The following ESRP1 variants were observed in gnomAD, a reference collection of about 807,000 sequenced individuals.
ESRP1 encodes epithelial splicing regulatory protein 1, also known as RNA-binding motif protein 35A.
Under a neutral mutation model 81.7 loss-of-function variants are expected in ESRP1, and 33 were observed. The ratio of observed to expected loss-of-function variants is 0.40; its 90% confidence interval spans 0.31 to 0.54. The LOEUF is 0.54. ESRP1 is among the 20% of genes least tolerant of loss of function. The pLI, the probability that ESRP1 is intolerant of heterozygous loss-of-function variation, is 0.41. For synonymous variants in ESRP1, 320 were observed against 303.3 expected, an observed-to-expected ratio of 1.06 and a Z score of -0.57; for missense variants, 672 against 833.1, an observed-to-expected ratio of 0.81 and a Z score of 2.38.
At chr8:94,667,660 A>G (rs999453691) in intron 9 of ESRP1, among the ~76,000 whole-genome samples, 5 of 152,218 alleles carry the variant, frequency 3.3e-5, no homozygotes, top group Admixed American at 2.0e-4. Flanking sequence ...GGACCCAGGC[A>G]TTCTGGCTCC....
intron 13 of ESRP1, among the ~76,000 whole-genome samples, chr8:94,685,589 G>T (rs950977563): frequency 6.6e-6 from 1 of 152,070 alleles, no homozygotes; most frequent in East Asian, 1.9e-4. Flanking sequence ...ATCACCTGAG[G>T]TTAGGAGTTC....
intron 13 of ESRP1, among the ~76,000 whole-genome samples, chr8:94,691,096 T>C (rs542604373): frequency 6.6e-6 from 1 of 152,224 alleles, no homozygotes; most frequent in African/African-American, 2.4e-5. Context: ...ACCAAAAGTT[T>C]AGCATTTCTT....
chr8:94,696,956 A>G lies in ESRP1; in HGVS notation c.*30A>G. 1.3e-6 allele frequency: 2 copies of G among 1,556,700 alleles called. No homozygotes were observed. Among genetic ancestry groups the G allele is most frequent in the Non-Finnish European group, 1.7e-6 (2 of 1,149,404 alleles). On this transcript the variant is annotated 3_prime_UTR_variant, in exon 15 of 16. Coordinates refer to ENST00000433389, the MANE Select transcript of ESRP1 (RefSeq NM_017697.4). ...CCCAGCAGTTAGAACATCCTCAGAA[A>G]AGAAGGTAAGGCTTTATGATGTGCA... is the stretch of plus-strand genomic sequence containing the variant.
chr8:94,654,399 CTTG>C (rs1165246085), intron 4 of ESRP1, among the ~76,000 whole-genome samples: 1 of 152,158 alleles, frequency 6.6e-6, no homozygotes, highest in Non-Finnish European at 1.5e-5. Flanking sequence ...CTTCGGAAGA[CTTG>C]TTACCAAGGA....
chr8:94,690,120 A>ATT (rs60791538), intron 13 of ESRP1, among the ~76,000 whole-genome samples: 8 of 147,336 alleles, frequency 5.4e-5, no homozygotes, highest in East Asian at 2.0e-4. Context: ...GCCCGGCCTA[A>ATT]TTTTTTTTGT....
In ESRP1 at chr8:94,668,074, A is replaced by G; in HGVS notation, c.1057A>G (p.Thr353Ala). The G allele has an allele frequency of 6.2e-7, 1 of 1,613,936 alleles. No individual in the cohort carries two copies. Among genetic ancestry groups the G allele is most frequent in the Non-Finnish European group, 8.5e-7 (1 of 1,179,864 alleles). Residue 353 changes from threonine to alanine, a missense_variant, in exon 10 of 16, where the codon ACT becomes GCT. Thr to Ala is a moderately conservative substitution (Grantham distance 58). Transcript: ENST00000433389. ...CTTCTTTGGACAGCATTGCCCTATT[A>G]CTGGGGGAAAGGAAGGCATCCTCTT... ...VAFFGQHCPI[T>A]GGKEGILFVT...
At position 94,646,264 on chromosome 8, in the gene ESRP1, G is replaced by A. The variant is rs765093984; in HGVS notation, c.472G>A (p.Val158Ile). The A allele has an allele frequency of 2.6e-5, 41 of 1,607,136 alleles. No homozygotes were observed. Among genetic ancestry groups the A allele is most frequent in the Middle Eastern group, 1.7e-4 (1 of 6,044 alleles). The change falls in exon 4 of 16, where the codon GTT becomes ATT. Residue 158 changes from valine (V) to isoleucine (I), a missense_variant. Val to Ile is a conservative substitution (Grantham distance 29). Transcript: ENST00000433389. ...PGSPDIDKLD[V>I]ATMTEYLNFE... ...TTCACCTGATATTGACAAACTGGAC[G>A]TTGCCACAATGACAGAGTGTATCCT... is the stretch of plus-strand genomic sequence containing the variant.
Position 94,692,697 on chromosome 8 carries a change from G to A in ESRP1, c.1841G>A (p.Ser614Asn), listed in dbSNP as rs1340388990. 3 of 1,613,850 alleles carry A rather than the reference G, an allele frequency of 1.9e-6. No homozygotes were observed. The highest frequency in any genetic ancestry group is 2.5e-6 in the Non-Finnish European group (3 of 1,179,848). ...TTTAGCCCCCCAGGTTCGCCTAATA[G>A]TCTTGGCTACTTCCCTACAGCTGCT... ...YYPSPPGSPNSLGYFPTAANL... is the reference protein window; with the variant it reads ...YYPSPPGSPNNLGYFPTAANL... The change falls in exon 14 of 16, where the codon AGT becomes AAT. Residue 614 changes from serine (S) to asparagine (N), a missense_variant. Ser to Asn is a conservative substitution (Grantham distance 46, BLOSUM62 1). Coordinates refer to ENST00000433389, the MANE Select transcript of ESRP1 (RefSeq NM_017697.4).
At chr8:94,705,120 G>A (rs1412401573) in intron 15 of ESRP1, among the ~76,000 whole-genome samples, 2 of 145,412 alleles carry the variant, frequency 1.4e-5, no homozygotes, top group Non-Finnish European at 1.5e-5. Context: ...CAGGCATATA[G>A]AGCCCATATG....
Position 94,675,102 on chromosome 8 carries a change from G to A in ESRP1, c.1651+596G>A, listed in dbSNP as rs369755833. Among the ~76,000 whole-genome samples the A allele has an allele frequency of 5.3e-5, 8 of 152,350 alleles. No homozygotes were observed. In the East Asian group the frequency reaches 1.3e-3, roughly 26 times the overall value. ...GGATCAGTGCTTAATTTTAAGCCAT[G>A]CTCTCGCTCATTGGCACCTGGGTGC... On this transcript the variant is annotated intron_variant, in intron 12 of 15. Coordinates refer to ENST00000433389, the MANE Select transcript of ESRP1 (RefSeq NM_017697.4).
At chr8:94,683,765 GT>G (rs1563541643) in intron 13 of ESRP1, among the ~76,000 whole-genome samples, 1 of 152,148 alleles carries the variant, frequency 6.6e-6, no homozygotes, top group Non-Finnish European at 1.5e-5. Flanking sequence ...TGATTATCAG[GT>G]TTTTTAGTTT....
chr8:94,657,793 C>A (rs1205539843), intron 4 of ESRP1, among the ~76,000 whole-genome samples: 1 of 152,200 alleles, frequency 6.6e-6, no homozygotes. Flanking sequence ...TGGCTTTTAT[C>A]TATGAATTTA....
chr8:94,705,912 T>G lies in ESRP1; in HGVS notation c.*36-13T>G, dbSNP rs905951857. The G allele has an allele frequency of 1.3e-6, 2 of 1,517,440 alleles. No individual in the cohort carries two copies. The highest frequency in any genetic ancestry group is 1.8e-6 in the Non-Finnish European group (2 of 1,136,450). 94.0% of individuals were successfully genotyped at this position (1,517,440 alleles called of 1,614,324 possible). On this transcript the variant is annotated splice_polypyrimidine_tract_variant and intron_variant, in intron 15 of 15. Coordinates refer to ENST00000433389, the MANE Select transcript of ESRP1 (RefSeq NM_017697.4). ...CATTTCCTTTTATTCACTTTTTTTT[T>G]TTTTTTTTTCAGTGTTTGAAAGATG...
At chr8:94,693,920 T>A (rs946631662) in intron 14 of ESRP1, among the ~76,000 whole-genome samples, 2 of 152,176 alleles carry the variant, frequency 1.3e-5, no homozygotes, top group African/African-American at 4.8e-5. Context: ...TGACAAAATC[T>A]ATGGCTGATA....
intron 6 of ESRP1, among the ~76,000 whole-genome samples, chr8:94,663,063 C>T (rs1818833298): frequency 1.3e-5 from 2 of 152,144 alleles, no homozygotes; most frequent in Admixed American, 6.6e-5. Flanking sequence ...TAATGACTTA[C>T]TGGCATCTTT....
intron 10 of ESRP1, 115 bp downstream of exon 10, chr8:94,668,365 G>A (rs986385672): frequency 4.0e-6 from 4 of 989,242 alleles, no homozygotes; most frequent in Admixed American, 6.3e-5. Context: ...TACTAAAAGT[G>A]TAACTGCATG....
chr8:94,666,922 G>A (rs1276452909), intron 9 of ESRP1, among the ~76,000 whole-genome samples: 1 of 152,182 alleles, frequency 6.6e-6, no homozygotes, highest in Non-Finnish European at 1.5e-5. Flanking sequence ...GCTATTAGGG[G>A]CTGGGCTTGG....
intron 13 of ESRP1, among the ~76,000 whole-genome samples, chr8:94,681,662 G>A (rs1278294506): frequency 6.6e-6 from 1 of 151,342 alleles, no homozygotes; most frequent in Non-Finnish European, 1.5e-5. Flanking sequence ...AAAATGGCTG[G>A]GTGTGGTGGC....
intron 3 of ESRP1, among the ~76,000 whole-genome samples, chr8:94,645,238 A>T (rs1817785143): frequency 1.3e-5 from 2 of 152,148 alleles, no homozygotes; most frequent in South Asian, 4.1e-4. Flanking sequence ...CAATAGAAGG[A>T]ACTTGGAGAG....
Sources: allele counts gnomAD v4.1 joint callset (sites outside exome capture counted in the v4.1 genomes callset), GRCh38; gene constraint gnomAD v4.1.1; transcripts MANE v1.5; gene names NCBI Gene and HGNC (gene_info 2026-07-23, HGNC 2026-07-21).